LRRC4C: variants seen among roughly 807,000 people sequenced by gnomAD.
LRRC4C encodes the protein leucine rich repeat containing 4C.
Under a neutral mutation model 33.6 loss-of-function variants are expected in LRRC4C, and 5 were observed. The observed-to-expected ratio is 0.15, with a 90% CI of 0.08 to 0.31. The LOEUF is 0.31. LRRC4C is among the 10% of genes least tolerant of loss of function. The pLI, the probability that LRRC4C is intolerant of heterozygous loss-of-function variation, is 1.00. For synonymous variants in LRRC4C, 329 were observed against 302.0 expected (o/e 1.09, Z -0.93); for missense variants, 560 against 796.7 (o/e 0.70, Z 3.58).
intron 1 of LRRC4C, among the ~76,000 whole-genome samples, chr11:41,149,436 G>A (rs548972207): frequency 6.6e-6 from 1 of 151,372 alleles, no homozygotes; most frequent in Admixed American, 6.6e-5. Flanking sequence ...GAACAACCCG[G>A]GAGGCGGAGC....
Position 41,105,385 on chromosome 11 carries a change from C to A in LRRC4C, c.-495-171662G>T, listed in dbSNP as rs548260127. Among the ~76,000 whole-genome samples, 12 of 152,120 alleles carry A rather than the reference C, an allele frequency of 7.9e-5. No homozygotes were observed. The South Asian group carries it at 2.3e-3, about 29-fold the overall frequency. ...AAGTTCCAATTGCATCTTATATATA[C>A]ATCACTACGCACATAATCTATTATA... On this transcript the variant is annotated intron_variant, in intron 1 of 6. Transcript: ENST00000528697.
At chr11:40,184,190 T>C (rs1050945011) in intron 5 of LRRC4C, among the ~76,000 whole-genome samples, 5 of 152,146 alleles carry the variant, frequency 3.3e-5, no homozygotes, top group Non-Finnish European at 2.9e-5. Context: ...AGGAATTACA[T>C]GGGCACAGCA....
At chr11:40,421,419 C>T (rs1396208160) in intron 3 of LRRC4C, among the ~76,000 whole-genome samples, 7 of 152,170 alleles carry the variant, frequency 4.6e-5, no homozygotes, top group Non-Finnish European at 1.0e-4. Flanking sequence ...GGGCCTCCAG[C>T]CAGTCGCTTG....
At chr11:40,148,388 G>C (rs951458945) in intron 5 of LRRC4C, among the ~76,000 whole-genome samples, 5 of 152,146 alleles carry the variant, frequency 3.3e-5, no homozygotes, top group African/African-American at 1.2e-4. Context: ...ACTGGTGTGA[G>C]ATGATATCTC....
At chr11:40,952,905 C>T (rs1592174837) in intron 1 of LRRC4C, among the ~76,000 whole-genome samples, 1 of 141,568 alleles carries the variant, frequency 7.1e-6, no homozygotes, top group South Asian at 2.1e-4. Context: ...CACTCTCTCT[C>T]TCTCTCTCTC....
At chr11:40,535,315 C>G (rs1956425547) in intron 3 of LRRC4C, among the ~76,000 whole-genome samples, 1 of 151,998 alleles carries the variant, frequency 6.6e-6, no homozygotes, top group East Asian at 1.9e-4. Flanking sequence ...CAGAGAAATA[C>G]TAATAGAAAA....
intron 1 of LRRC4C, among the ~76,000 whole-genome samples, chr11:41,203,219 C>A (rs377591906): frequency 1.3e-5 from 2 of 152,274 alleles, no homozygotes; most frequent in Admixed American, 6.5e-5. Context: ...CTTGGACAGA[C>A]AAAATGGATG....
At chr11:40,871,003 C>A (rs915663777) in intron 2 of LRRC4C, among the ~76,000 whole-genome samples, 9 of 152,098 alleles carry the variant, frequency 5.9e-5, no homozygotes, top group African/African-American at 2.2e-4. Context: ...ATGGCCACTT[C>A]GGCGGGGCGG....
At chr11:40,719,298 G>T (rs770998820) in intron 2 of LRRC4C, among the ~76,000 whole-genome samples, 9 of 152,174 alleles carry the variant, frequency 5.9e-5, no homozygotes, top group Non-Finnish European at 1.0e-4. Context: ...TGCAAACCAT[G>T]AATATTTTTA....
chr11:40,778,232 T>G (rs1245190088), intron 2 of LRRC4C, among the ~76,000 whole-genome samples: 1 of 152,152 alleles, frequency 6.6e-6, no homozygotes, highest in African/African-American at 2.4e-5. Context: ...TTGAGGATAT[T>G]TTGTGAGGCT....
chr11:40,622,696 G>A (rs889704298), intron 3 of LRRC4C, among the ~76,000 whole-genome samples: 2 of 151,842 alleles, frequency 1.3e-5, no homozygotes, highest in Non-Finnish European at 2.9e-5. Flanking sequence ...GCAGTACAGA[G>A]TGGAAAAGAG....
Position 40,392,782 on chromosome 11 carries a change from A to G in LRRC4C, c.-269-73061T>C, listed in dbSNP as rs191549868. On this transcript the variant is annotated intron_variant, in intron 3 of 6. Coordinates refer to ENST00000528697, the MANE Select transcript of LRRC4C (RefSeq NM_001258419.2). Reference sequence around the variant, plus strand: ...AACAATTATTTATTCAATACCTACTATGTATCATGTTCTAATGGGAGACAA... The same window carrying G: ...AACAATTATTTATTCAATACCTACTGTGTATCATGTTCTAATGGGAGACAA... 2.3e-3 allele frequency among the ~76,000 whole-genome samples: 349 copies of G among 152,288 alleles called. 1 individual carries two copies. The highest frequency in any genetic ancestry group is 7.9e-3 in the African/African-American group (329 of 41,582).
chr11:40,421,268 T>C (rs960652313), intron 3 of LRRC4C, among the ~76,000 whole-genome samples: 1 of 152,232 alleles, frequency 6.6e-6, no homozygotes, highest in African/African-American at 2.4e-5. Context: ...TAGCTTTCTC[T>C]CCAGGAGCAC....
chr11:40,832,166 T>A lies in LRRC4C; in HGVS notation c.-407+101469A>T, dbSNP rs374058330. On this transcript the variant is annotated intron_variant, in intron 2 of 6. Coordinates refer to ENST00000528697, the MANE Select transcript of LRRC4C (RefSeq NM_001258419.2). ...AAACCTGAGCAGCAGGTTACTCTAC[T>A]GCATAGTGTACACCATTGCAATACA... Among the ~76,000 whole-genome samples, 4 of 152,194 alleles carry A rather than the reference T, an allele frequency of 2.6e-5. No individual in the cohort carries two copies. In the South Asian group the frequency reaches 8.3e-4, roughly 32 times the overall value.
At chr11:41,389,338 C>CCTGATT (rs1953489312) in intron 1 of LRRC4C, among the ~76,000 whole-genome samples, 3 of 151,676 alleles carry the variant, frequency 2.0e-5, no homozygotes, top group African/African-American at 7.3e-5. Flanking sequence ...ACCCAGAGTC[C>CCTGATT]CTGATTCTGA....
chr11:40,718,329 G>C (rs1946834593), intron 2 of LRRC4C, among the ~76,000 whole-genome samples: 1 of 152,140 alleles, frequency 6.6e-6, no homozygotes, highest in Non-Finnish European at 1.5e-5. Context: ...GCATAGGACA[G>C]CCTTCCAAAA....
intron 1 of LRRC4C, among the ~76,000 whole-genome samples, chr11:41,228,536 ATATGT>A (rs2136440811): frequency 6.6e-6 from 1 of 152,200 alleles, no homozygotes; most frequent in South Asian, 2.1e-4. Context: ...ATTGCTTTCA[ATATGT>A]TTTCTGTTTG....
At chr11:41,452,605 C>A (rs1956062215) in intron 1 of LRRC4C, among the ~76,000 whole-genome samples, 2 of 151,964 alleles carry the variant, frequency 1.3e-5, no homozygotes, top group African/African-American at 4.8e-5. Flanking sequence ...CATTTTAGAA[C>A]CTGACTTTAG....
At chr11:40,427,830 A>G (rs563579416) in intron 3 of LRRC4C, among the ~76,000 whole-genome samples, 1 of 152,290 alleles carries the variant, frequency 6.6e-6, no homozygotes, top group South Asian at 2.1e-4. Flanking sequence ...ACTGTCTTAA[A>G]AAAACAAAAG....
Sources: allele counts gnomAD v4.1 joint callset (sites outside exome capture counted in the v4.1 genomes callset), GRCh38; gene constraint gnomAD v4.1.1; transcripts MANE v1.5; gene names NCBI Gene and HGNC (gene_info 2026-07-23, HGNC 2026-07-21).